Variants in CYB5R3 observed in about 807,000 individuals in gnomAD.
The protein encoded by CYB5R3 is NADH-cytochrome b5 reductase 3.
Under a neutral mutation model 36.5 loss-of-function variants are expected in CYB5R3, and 28 were observed. The ratio of observed to expected loss-of-function variants is 0.77; its 90% confidence interval spans 0.57 to 1.05. The LOEUF is 1.05. Among genes scored for constraint, CYB5R3 ranks in the 50% least tolerant of loss-of-function variants. The pLI, the probability that CYB5R3 is intolerant of heterozygous loss-of-function variation, is 0.00. For missense variants in CYB5R3, 474 were observed against 408.9 expected, an observed-to-expected ratio of 1.16 and a Z score of -1.37; for synonymous variants, 181 against 159.8, an observed-to-expected ratio of 1.13 and a Z score of -1.00.
intron 2 of CYB5R3, among the ~76,000 whole-genome samples, chr22:42,634,664 A>C: frequency 7.0e-6 from 1 of 142,450 alleles, no homozygotes; most frequent in Non-Finnish European, 1.5e-5. Flanking sequence ...CTTGCTCTGT[A>C]GCCCAGGCTG....
intron 1 of CYB5R3, among the ~76,000 whole-genome samples, chr22:42,637,744 C>A (rs1304178757): frequency 6.6e-6 from 1 of 152,200 alleles, no homozygotes; most frequent in Non-Finnish European, 1.5e-5. Context: ...GTGGTAGGCA[C>A]TGTCATCACC....
At position 42,633,919 on chromosome 22, in the gene CYB5R3, T is replaced by C. The variant is rs114540793; in HGVS notation, c.154-2469A>G. 5.5e-3 allele frequency among the ~76,000 whole-genome samples: 833 copies of C among 151,994 alleles called. 8 individuals are homozygous for C. Among genetic ancestry groups the C allele is most frequent in the African/African-American group, 0.018 (750 of 41,446 alleles). On this transcript the variant is annotated intron_variant, in intron 2 of 8. Transcript: ENST00000352397. ...CCTGGGTGACAGAGCGAGACCTTGTTCTAAAAAAACACAAACAAAAACAAA... is the reference window on the plus strand; with the variant it reads ...CCTGGGTGACAGAGCGAGACCTTGTCCTAAAAAAACACAAACAAAAACAAA...
At chr22:42,627,418 G>T in intron 6 of CYB5R3, 29 bp from the exon 7 acceptor site, 2 of 1,604,590 alleles carry the variant, frequency 1.2e-6, no homozygotes, top group Non-Finnish European at 1.7e-6. Flanking sequence ...GGCCTCGCAC[G>T]TGCTGAGCGA....
At chr22:42,639,409 C>A (rs7287830) in intron 1 of CYB5R3, among the ~76,000 whole-genome samples, 2 of 151,194 alleles carry the variant, frequency 1.3e-5, no homozygotes, top group Non-Finnish European at 2.9e-5. Flanking sequence ...AGGTGAATCA[C>A]CTGAGGTCAG....
intron 4 of CYB5R3, 59 bp downstream of exon 4, chr22:42,630,823 G>T: frequency 7.0e-7 from 1 of 1,420,152 alleles, no homozygotes; most frequent in Non-Finnish European, 9.8e-7. Flanking sequence ...GGTCCACATG[G>T]GCTGTTGCCA....
chr22:42,621,611 C>T (rs1052928740), intron 8 of CYB5R3, among the ~76,000 whole-genome samples: 12 of 152,260 alleles, frequency 7.9e-5, no homozygotes, highest in South Asian at 2.1e-4. Flanking sequence ...CAAATGTACA[C>T]GAAAAATGCT....
At chr22:42,639,995 C>T in intron 1 of CYB5R3, 1 of 1,612,518 alleles carries the variant, frequency 6.2e-7, no homozygotes, top group Non-Finnish European at 8.5e-7. Flanking sequence ...CCACGCTTGC[C>T]TGTGATCTCT....
intron 4 of CYB5R3, among the ~76,000 whole-genome samples, chr22:42,629,581 G>A (rs1279630256): frequency 1.3e-5 from 2 of 152,206 alleles, no homozygotes; most frequent in Admixed American, 6.5e-5. Context: ...CAAGGAAGGA[G>A]CCCGGGCCAG....
At chr22:42,621,445 G>T (rs1296558033) in intron 8 of CYB5R3, among the ~76,000 whole-genome samples, 1 of 152,168 alleles carries the variant, frequency 6.6e-6, no homozygotes, top group Admixed American at 6.5e-5. Context: ...CACTGCCCCT[G>T]CCTGGAGTCC....
At chr22:42,629,564 G>A (rs8190439) in intron 4 of CYB5R3, among the ~76,000 whole-genome samples, 70 of 152,292 alleles carry the variant, frequency 4.6e-4, no homozygotes, top group African/African-American at 1.4e-3. Context: ...AGGCCTGGGC[G>A]CCCCAGCAAG....
Position 42,628,168 on chromosome 22 carries a change from C to G in CYB5R3, c.447G>C (p.Leu149=). Residue 149 remains leucine (L), a synonymous_variant, in exon 5 of 9, where the codon CTG becomes CTC. Coordinates refer to ENST00000352397, the MANE Select transcript of CYB5R3 (RefSeq NM_000398.7). The part of the protein sequence containing the change: ...TIEFRGPSGL[L]VYQGKGKFAI... ...CCGAATCACCTTTGCCCTGGTAGAC[C>G]AGCAGCCCACTGGGGCCCCGGAACT... 6.2e-7 allele frequency: 1 copy of G among 1,614,092 alleles called. No individual in the cohort carries two copies. The highest frequency in any genetic ancestry group is 8.5e-7 in the Non-Finnish European group (1 of 1,179,980).
intron 3 of CYB5R3, 99 bp from the exon 4 acceptor site, chr22:42,631,087 A>C: frequency 8.7e-7 from 1 of 1,149,614 alleles, no homozygotes; most frequent in South Asian, 1.3e-5. Flanking sequence ...CGGCATTCAA[A>C]GCCTGGCCTG....
chr22:42,630,231 C>T (rs1461385554), intron 4 of CYB5R3, among the ~76,000 whole-genome samples: 1 of 152,192 alleles, frequency 6.6e-6, no homozygotes, highest in Non-Finnish European at 1.5e-5. Flanking sequence ...TGTGAACCTC[C>T]ACCTCGAACC....
intron 2 of CYB5R3, 145 bp downstream of exon 2, chr22:42,636,570 A>G: frequency 1.5e-6 from 2 of 1,339,606 alleles, no homozygotes; most frequent in South Asian, 2.5e-5. Flanking sequence ...TGGTGGCCTT[A>G]GCAAGAGACA....
At chr22:42,635,946 GGCTCAT>G (rs1245025701) in intron 2 of CYB5R3, among the ~76,000 whole-genome samples, 3 of 152,210 alleles carry the variant, frequency 2.0e-5, no homozygotes, top group African/African-American at 7.2e-5. Flanking sequence ...CGGGCACCAC[GGCTCAT>G]GCCTGTAATC....
At chr22:42,635,633 A>C (rs1401778359) in intron 2 of CYB5R3, among the ~76,000 whole-genome samples, 1 of 152,174 alleles carries the variant, frequency 6.6e-6, no homozygotes, top group Admixed American at 6.5e-5. Context: ...TTGCCCCAAC[A>C]GTTACAGGAA....
intron 6 of CYB5R3, 30 bp downstream of exon 6, chr22:42,627,575 C>G: frequency 5.6e-6 from 9 of 1,597,348 alleles, no homozygotes; most frequent in Non-Finnish European, 7.7e-6. Flanking sequence ...ACATGAGCCG[C>G]CGGACGCCTC....
chr22:42,645,177 A>G lies in CYB5R3; in HGVS notation c.21+4118T>C, dbSNP rs555747213. 4.5e-4 allele frequency among the ~76,000 whole-genome samples: 68 copies of G among 152,228 alleles called. 1 individual carries two copies. In the South Asian group the frequency reaches 0.013, roughly 30 times the overall value. Reference sequence around the variant, plus strand: ...TCCAACCCCAGGCTGCCGGCTCCCCACAAGTCTCCAGAAGTGGCCCTGGAG... The same window carrying G: ...TCCAACCCCAGGCTGCCGGCTCCCCGCAAGTCTCCAGAAGTGGCCCTGGAG... On this transcript the variant is annotated intron_variant, in intron 1 of 8. Coordinates refer to ENST00000352397, the MANE Select transcript of CYB5R3 (RefSeq NM_000398.7).
chr22:42,648,139 G>A (rs1041505296), intron 1 of CYB5R3, among the ~76,000 whole-genome samples: 10 of 151,846 alleles, frequency 6.6e-5, no homozygotes, highest in African/African-American at 2.4e-4. Context: ...TGAACATCCC[G>A]AAGTTCTGGG....
Sources: gnomAD v4.1 joint callset for allele counts (sites outside exome capture counted in the v4.1 genomes callset) on GRCh38, gnomAD v4.1.1 for gene constraint, MANE v1.5 for transcripts, NCBI Gene and HGNC (gene_info 2026-07-23, HGNC 2026-07-21) for gene names.